The following SPTLC1 variants were observed in gnomAD, a reference collection of about 807,000 sequenced individuals.
SPTLC1 encodes serine palmitoyltransferase 1.
SPTLC1 carries 55 observed loss-of-function variants against 68.9 expected under a neutral mutation model. That is an observed-to-expected ratio of 0.80 (90% confidence interval 0.64 to 1.00). SPTLC1 has a LOEUF of 1.00. Among genes scored for constraint, SPTLC1 ranks in the 50% least tolerant of loss-of-function variants. SPTLC1 has a pLI of 0.00. For synonymous variants in SPTLC1, 197 were observed against 201.6 expected (o/e 0.98, Z 0.19); for missense variants, 449 against 573.1 (o/e 0.78, Z 2.21).
chr9:92,105,746 G>A (rs1292051841), intron 3 of SPTLC1, among the ~76,000 whole-genome samples: 1 of 151,864 alleles, frequency 6.6e-6, no homozygotes, highest in Non-Finnish European at 1.5e-5. Flanking sequence ...GAAGTGAGGA[G>A]TGCCTCTGCC....
chr9:92,089,454 G>A (rs981224716), intron 3 of SPTLC1, among the ~76,000 whole-genome samples: 5 of 151,996 alleles, frequency 3.3e-5, no homozygotes, highest in African/African-American at 1.2e-4. Context: ...TTGCTAAATA[G>A]TCAAATATAA....
At chr9:92,106,491 A>G (rs1473637460) in intron 3 of SPTLC1, among the ~76,000 whole-genome samples, 2 of 150,060 alleles carry the variant, frequency 1.3e-5, no homozygotes, top group Admixed American at 1.3e-4. Context: ...AAAAAAAAAA[A>G]AGTAAGACAT....
At chr9:92,033,116 G>T (rs2118327086) in intron 14 of SPTLC1, among the ~76,000 whole-genome samples, 1 of 152,192 alleles carries the variant, frequency 6.6e-6, no homozygotes, top group Non-Finnish European at 1.5e-5. Flanking sequence ...GCAGCCTGAA[G>T]GCCTCGGCCT....
intron 6 of SPTLC1, among the ~76,000 whole-genome samples, chr9:92,066,260 AG>A (rs765720210): frequency 1.3e-5 from 2 of 152,084 alleles, no homozygotes; most frequent in Non-Finnish European, 2.9e-5. Flanking sequence ...TGTGGGAGGG[AG>A]GCTTGAGAAG....
chr9:92,084,170 A>G (rs1333120393), intron 3 of SPTLC1, among the ~76,000 whole-genome samples: 2 of 151,334 alleles, frequency 1.3e-5, no homozygotes, highest in African/African-American at 2.4e-5. Flanking sequence ...CTAGATATAC[A>G]ATCATGTCAT....
chr9:92,049,492 CACAT>C (rs1833633719), intron 9 of SPTLC1, among the ~76,000 whole-genome samples: 1 of 152,106 alleles, frequency 6.6e-6, no homozygotes, highest in Non-Finnish European at 1.5e-5. Context: ...GACACACACA[CACAT>C]GCACACACAC....
At chr9:92,089,737 C>T (rs1371300954) in intron 3 of SPTLC1, among the ~76,000 whole-genome samples, 1 of 152,128 alleles carries the variant, frequency 6.6e-6, no homozygotes, top group Non-Finnish European at 1.5e-5. Context: ...GACAGAAATC[C>T]ACAGACTGAA....
At position 92,075,701 on chromosome 9, in the gene SPTLC1, C is replaced by T. The variant is rs775675081; in HGVS notation, c.427+4315G>A. On this transcript the variant is annotated intron_variant, in intron 5 of 14. Coordinates refer to ENST00000262554, the MANE Select transcript of SPTLC1 (RefSeq NM_006415.4). Reference sequence around the variant, plus strand: ...TATGCCCCACTCACCTTTTATAGCACTCACAACCTCCAAGACTTAGTTTCC... The same window carrying T: ...TATGCCCCACTCACCTTTTATAGCATTCACAACCTCCAAGACTTAGTTTCC... Among the ~76,000 whole-genome samples the T allele has an allele frequency of 5.9e-5, 9 of 152,218 alleles. No homozygotes were observed. In the South Asian group the frequency reaches 8.3e-4, roughly 14 times the overall value.
intron 3 of SPTLC1, among the ~76,000 whole-genome samples, chr9:92,102,013 A>C (rs1250999297): frequency 6.6e-6 from 1 of 152,160 alleles, no homozygotes; most frequent in Non-Finnish European, 1.5e-5. Context: ...AGTCAAACAC[A>C]AAGAAAAACT....
chr9:92,092,859 A>G (rs1835413496), intron 3 of SPTLC1, among the ~76,000 whole-genome samples: 1 of 152,258 alleles, frequency 6.6e-6, no homozygotes, highest in South Asian at 2.1e-4. Context: ...AAGTTCATTC[A>G]GTAGCAAAAC....
At chr9:92,114,308 A>G (rs1010322429) in intron 1 of SPTLC1, among the ~76,000 whole-genome samples, 4 of 152,176 alleles carry the variant, frequency 2.6e-5, no homozygotes, top group Non-Finnish European at 5.9e-5. Context: ...TCAGTGCCCA[A>G]TGAATAGCTC....
chr9:92,085,641 T>C (rs1835091863), intron 3 of SPTLC1, among the ~76,000 whole-genome samples: 1 of 149,830 alleles, frequency 6.7e-6, no homozygotes, highest in South Asian at 2.1e-4. Context: ...TTACATTTGC[T>C]GAGGAGAGCT....
intron 3 of SPTLC1, among the ~76,000 whole-genome samples, chr9:92,088,932 C>T (rs1835257885): frequency 6.6e-6 from 1 of 152,164 alleles, no homozygotes; most frequent in African/African-American, 2.4e-5. Flanking sequence ...TCTCCACAAT[C>T]GAGACCTGAG....
chr9:92,038,358 C>T lies in SPTLC1; in HGVS notation c.1144G>A (p.Gly382Arg), dbSNP rs768246829. ...QIHKALQGISGLKVVGESLSP... is the reference protein window; with the variant it reads ...QIHKALQGISRLKVVGESLSP... ...AGGGACTCCCCCACCACTTTTAATC[C>T]AGAAATGCTGAAGAAGGGAAACACA... Residue 382 changes from glycine to arginine, a missense_variant, in exon 13 of 15, where the codon GGA (glycine) becomes AGA (arginine). Physicochemically the swap from Gly to Arg is moderately radical, Grantham distance 125 (BLOSUM62 -2). Coordinates refer to ENST00000262554, the MANE Select transcript of SPTLC1 (RefSeq NM_006415.4). 9 of 1,608,464 alleles carry T rather than the reference C, an allele frequency of 5.6e-6. No individual in the cohort carries two copies. The South Asian group carries it at 9.9e-5, about 18-fold the overall frequency.
At chr9:92,100,578 A>T (rs1053274112) in intron 3 of SPTLC1, among the ~76,000 whole-genome samples, 2 of 152,140 alleles carry the variant, frequency 1.3e-5, no homozygotes, top group African/African-American at 4.8e-5. Context: ...TGGTGTTTCT[A>T]GGTGATCCCC....
chr9:92,093,389 G>A (rs567559920), intron 3 of SPTLC1, among the ~76,000 whole-genome samples: 3 of 152,062 alleles, frequency 2.0e-5, no homozygotes, highest in South Asian at 4.1e-4. Context: ...AAGGATGCTT[G>A]GTATCTTTTT....
chr9:92,050,668 T>C (rs950025785), intron 8 of SPTLC1, among the ~76,000 whole-genome samples: 2 of 152,174 alleles, frequency 1.3e-5, no homozygotes, highest in Admixed American at 1.3e-4. Flanking sequence ...AACCCTATTA[T>C]TTGCCCTAGC....
At chr9:92,078,676 T>C (rs549170730) in intron 5 of SPTLC1, among the ~76,000 whole-genome samples, 1 of 152,326 alleles carries the variant, frequency 6.6e-6, no homozygotes, top group South Asian at 2.1e-4. Context: ...GCTAGTCTCA[T>C]ATGCCTAGGC....
intron 3 of SPTLC1, among the ~76,000 whole-genome samples, chr9:92,082,606 A>G (rs1834928503): frequency 1.3e-5 from 2 of 151,716 alleles, no homozygotes. Context: ...TCCATGGTGT[A>G]TATGTGCCAC....
Sources: gnomAD v4.1 joint callset for allele counts (sites outside exome capture counted in the v4.1 genomes callset) on GRCh38, gnomAD v4.1.1 for gene constraint, MANE v1.5 for transcripts, NCBI Gene and HGNC (gene_info 2026-07-23, HGNC 2026-07-21) for gene names.